Variants in UNC5C observed in about 807,000 individuals in gnomAD.
The protein encoded by UNC5C is netrin receptor UNC5C.
A neutral mutation model predicts 99.8 loss-of-function variants in UNC5C; 47 were observed. That is an observed-to-expected ratio of 0.47 (90% confidence interval 0.37 to 0.60). The LOEUF is 0.60. Ranked by LOEUF, UNC5C falls within the 20% of genes least tolerant of loss-of-function variation. The pLI is 0.00. For synonymous variants in UNC5C, 487 were observed against 452.2 expected (o/e 1.08, Z -0.98); for missense variants, 1,062 against 1,165.9 (o/e 0.91, Z 1.30).
At chr4:95,460,894 C>T (rs1227621739) in intron 1 of UNC5C, among the ~76,000 whole-genome samples, 1 of 152,114 alleles carries the variant, frequency 6.6e-6, no homozygotes, top group Non-Finnish European at 1.5e-5. Context: ...CAGGAGGAAG[C>T]CATCATGTGG....
intron 1 of UNC5C, among the ~76,000 whole-genome samples, chr4:95,470,707 A>C (rs1463851053): frequency 6.6e-6 from 1 of 152,180 alleles, no homozygotes; most frequent in Non-Finnish European, 1.5e-5. Context: ...TTTATACTTA[A>C]CAAGCATTTA....
intron 14 of UNC5C, among the ~76,000 whole-genome samples, chr4:95,171,960 G>A (rs1386963127): frequency 6.6e-6 from 1 of 151,040 alleles, no homozygotes; most frequent in Non-Finnish European, 1.5e-5. Flanking sequence ...ATCTCATTGT[G>A]GTTTTGATTT....
At chr4:95,178,733 G>A (rs541373484) in intron 14 of UNC5C, among the ~76,000 whole-genome samples, 20 of 152,274 alleles carry the variant, frequency 1.3e-4, no homozygotes, top group African/African-American at 4.1e-4. Context: ...TTGGGAAGGC[G>A]TGCTCACATA....
chr4:95,391,030 T>A (rs1385229447), intron 1 of UNC5C, among the ~76,000 whole-genome samples: 1 of 152,168 alleles, frequency 6.6e-6, no homozygotes, highest in Non-Finnish European at 1.5e-5. Context: ...TTTAGGATAG[T>A]GAATAAGTCT....
At chr4:95,200,935 G>GTGAT (rs781081794) in intron 12 of UNC5C, among the ~76,000 whole-genome samples, 3 of 152,024 alleles carry the variant, frequency 2.0e-5, no homozygotes, top group Non-Finnish European at 4.4e-5. Flanking sequence ...CCTTTGGGAG[G>GTGAT]TGATTAGGTC....
intron 5 of UNC5C, among the ~76,000 whole-genome samples, chr4:95,246,710 GTATAA>G (rs1237725576): frequency 2.0e-5 from 3 of 151,902 alleles, no homozygotes; most frequent in South Asian, 2.1e-4. Context: ...TATAAAAGAT[GTATAA>G]TATAACAATG....
At chr4:95,239,705 T>A (rs1230981349) in intron 7 of UNC5C, among the ~76,000 whole-genome samples, 1 of 152,230 alleles carries the variant, frequency 6.6e-6, no homozygotes, top group Non-Finnish European at 1.5e-5. Context: ...CTCTACTAAG[T>A]TTGCAATATT....
chr4:95,201,172 A>ACTT (rs1737639899), intron 12 of UNC5C, among the ~76,000 whole-genome samples: 1 of 152,152 alleles, frequency 6.6e-6, no homozygotes, highest in Admixed American at 6.5e-5. Flanking sequence ...AGTCCGTGGT[A>ACTT]CTTTGTCAGA....
At chr4:95,516,797 G>T (rs1434257537) in intron 1 of UNC5C, among the ~76,000 whole-genome samples, 1 of 152,096 alleles carries the variant, frequency 6.6e-6, no homozygotes, top group Non-Finnish European at 1.5e-5. Flanking sequence ...GCAACAGAAG[G>T]CCTCATTTCG....
At chr4:95,475,548 T>C (rs909771480) in intron 1 of UNC5C, among the ~76,000 whole-genome samples, 3 of 151,956 alleles carry the variant, frequency 2.0e-5, no homozygotes, top group South Asian at 4.2e-4. Flanking sequence ...GACAGACAGA[T>C]GGATAGATAG....
In UNC5C at chr4:95,267,091, T is replaced by C. The variant is rs72674526; in HGVS notation, c.594+11168A>G. Among the ~76,000 whole-genome samples, 642 of 152,312 alleles carry C rather than the reference T, an allele frequency of 4.2e-3. 4 individuals are homozygous for C. The highest frequency in any genetic ancestry group is 9.5e-3 in the Admixed American group (146 of 15,304). ...TACTTATTTCCAATAATTTTTCTCA[T>C]GGTTTGCTATCAAAAGTTTTAGAAT... On this transcript the variant is annotated intron_variant, in intron 4 of 15. Transcript: ENST00000453304.
At chr4:95,253,908 T>C (rs1165512917) in intron 4 of UNC5C, among the ~76,000 whole-genome samples, 1 of 152,206 alleles carries the variant, frequency 6.6e-6, no homozygotes, top group Non-Finnish European at 1.5e-5. Context: ...GAAGACAGCA[T>C]GAAAATCTTC....
At chr4:95,306,454 G>A (rs184425267) in intron 2 of UNC5C, among the ~76,000 whole-genome samples, 3 of 152,046 alleles carry the variant, frequency 2.0e-5, no homozygotes, top group South Asian at 2.1e-4. Context: ...CACCCGCCTC[G>A]GCCTCGCAAA....
intron 1 of UNC5C, among the ~76,000 whole-genome samples, chr4:95,345,980 A>G (rs1579344085): frequency 6.6e-6 from 1 of 151,966 alleles, no homozygotes; most frequent in African/African-American, 2.4e-5. Context: ...CAAAAGTAGT[A>G]GAAGAAAAGA....
chr4:95,285,497 A>G (rs1741200276), intron 3 of UNC5C, among the ~76,000 whole-genome samples: 2 of 152,222 alleles, frequency 1.3e-5, no homozygotes, highest in Admixed American at 1.3e-4. Context: ...TACATTTATT[A>G]TTACTCAGAG....
At chr4:95,381,380 G>T (rs1033178053) in intron 1 of UNC5C, among the ~76,000 whole-genome samples, 15 of 152,226 alleles carry the variant, frequency 9.9e-5, no homozygotes, top group Admixed American at 6.5e-4. Context: ...ACGTGTGTAT[G>T]TGTGGGGATG....
At chr4:95,547,645 G>A (rs1723106717) in intron 1 of UNC5C, among the ~76,000 whole-genome samples, 1 of 152,220 alleles carries the variant, frequency 6.6e-6, no homozygotes, top group African/African-American at 2.4e-5. Context: ...CACTGAAGTG[G>A]GCTAAGAGAC....
At chr4:95,243,458 T>C (rs1283059813) in intron 6 of UNC5C, among the ~76,000 whole-genome samples, 2 of 152,130 alleles carry the variant, frequency 1.3e-5, no homozygotes, top group African/African-American at 4.8e-5. Context: ...CTCACAAAAA[T>C]AGGATAAAAA....
At chr4:95,206,956 T>C (rs1737902618) in intron 10 of UNC5C, among the ~76,000 whole-genome samples, 160 bp from the exon 11 acceptor site, 1 of 149,322 alleles carries the variant, frequency 6.7e-6, no homozygotes, top group Non-Finnish European at 1.5e-5. Context: ...TGATACAGAA[T>C]TAAATGCTCT....
Sources: allele counts gnomAD v4.1 joint callset (sites outside exome capture counted in the v4.1 genomes callset), GRCh38; gene constraint gnomAD v4.1.1; transcripts MANE v1.5; gene names NCBI Gene and HGNC (gene_info 2026-07-23, HGNC 2026-07-21).